Variants in XKR9 observed in about 807,000 individuals in gnomAD.
XKR9 encodes XK-related protein 9.
A neutral mutation model predicts 32.0 loss-of-function variants in XKR9; 32 were observed. The ratio of observed to expected loss-of-function variants is 1.00; its 90% CI spans 0.76 to 1.34. The LOEUF (loss-of-function observed/expected upper bound fraction) is 1.34. XKR9 is among the 40% of genes most tolerant of loss of function. The pLI is 0.00. For missense variants in XKR9, 546 were observed against 429.7 expected (o/e 1.27, Z -2.39); for synonymous variants, 168 against 143.4 (o/e 1.17, Z -1.22).
Position 70,707,161 on chromosome 8 carries a change from T to A in XKR9, c.493+8T>A. On this transcript the variant is annotated splice_region_variant and intron_variant, in intron 4 of 4. Coordinates refer to ENST00000408926, the MANE Select transcript of XKR9 (RefSeq NM_001011720.2). ...AAGCGAATTTCAGTCAGTGTAAGTT[T>A]TTCTTAACTCCTTGTGTTAAATGGA... The A allele has an allele frequency of 6.2e-7, 1 of 1,608,942 alleles. No homozygotes were observed. Among genetic ancestry groups the A allele is most frequent in the Non-Finnish European group, 8.5e-7 (1 of 1,176,204 alleles).
chr8:71,049,704 A>G, the XKR9 span, among the ~76,000 whole-genome samples: 1 of 152,190 alleles, frequency 6.6e-6, no homozygotes, highest in Non-Finnish European at 1.5e-5. Context: ...GTCCACACAC[A>G]CTGAGAGGGG....
At chr8:70,968,929 G>A in the XKR9 span, among the ~76,000 whole-genome samples, 17 of 152,266 alleles carry the variant, frequency 1.1e-4, no homozygotes, top group African/African-American at 4.1e-4. Flanking sequence ...GAATGGGATC[G>A]GGGACCCACT....
At chr8:71,004,890 G>T in the XKR9 span, among the ~76,000 whole-genome samples, 1 of 151,768 alleles carries the variant, frequency 6.6e-6, no homozygotes, top group Non-Finnish European at 1.5e-5. Flanking sequence ...GGACTGCAGT[G>T]GTGATGTGAT....
the XKR9 span, among the ~76,000 whole-genome samples, chr8:70,824,574 T>A: frequency 1.3e-5 from 2 of 152,106 alleles, no homozygotes; most frequent in Non-Finnish European, 2.9e-5. Flanking sequence ...TGGATAATCT[T>A]GCATTAAGAA....
At chr8:70,798,902 G>T in the XKR9 span, among the ~76,000 whole-genome samples, 1 of 152,076 alleles carries the variant, frequency 6.6e-6, no homozygotes, top group Admixed American at 6.5e-5. Context: ...TGTTCCACTG[G>T]TCTATGTGTC....
the XKR9 span, among the ~76,000 whole-genome samples, chr8:71,036,605 G>C: frequency 1.9e-4 from 29 of 152,192 alleles, no homozygotes; most frequent in East Asian, 5.0e-3. Context: ...TGTAAAATTA[G>C]GGTAATACTT....
chr8:70,734,620 G>C lies in XKR9; in HGVS notation c.*196G>C, dbSNP rs1039403902. The C allele has an allele frequency of 3.2e-6, 2 of 618,518 alleles. No homozygotes were observed. Among genetic ancestry groups the C allele is most frequent in the Non-Finnish European group, 4.5e-6 (2 of 445,358 alleles). 38.3% of individuals were successfully genotyped at this position (618,518 alleles called of 1,614,324 possible). A position where few individuals can be genotyped will look rare whatever the true frequency, so the allele number is the denominator to read the frequency against. ...TGGTTTTGAAGATCTTGAGTACTCA[G>C]ATATCTTTCTACTGCCTGGTAGAGC... On this transcript the variant is annotated 3_prime_UTR_variant, in exon 5 of 5. Transcript: ENST00000408926.
At chr8:70,928,784 A>G in the XKR9 span, among the ~76,000 whole-genome samples, 1 of 152,166 alleles carries the variant, frequency 6.6e-6, no homozygotes, top group Non-Finnish European at 1.5e-5. Context: ...GCACAGACAT[A>G]GGATTGCTAG....
the XKR9 span, among the ~76,000 whole-genome samples, chr8:70,929,766 C>T: frequency 6.6e-6 from 1 of 152,192 alleles, no homozygotes; most frequent in African/African-American, 2.4e-5. Flanking sequence ...ATGACATCCT[C>T]TTCTACTGTC....
chr8:70,913,787 C>A, the XKR9 span, among the ~76,000 whole-genome samples: 2 of 152,112 alleles, frequency 1.3e-5, no homozygotes, highest in African/African-American at 4.8e-5. Context: ...AAGGTAGCTA[C>A]CTTAGTTTAC....
chr8:71,038,444 C>T, the XKR9 span, among the ~76,000 whole-genome samples: 6 of 151,022 alleles, frequency 4.0e-5, no homozygotes, highest in Non-Finnish European at 5.9e-5. Flanking sequence ...CCTCAGCCTC[C>T]TGAGTAGCTG....
chr8:70,972,543 A>G, the XKR9 span, among the ~76,000 whole-genome samples: 5 of 152,012 alleles, frequency 3.3e-5, no homozygotes, highest in African/African-American at 1.2e-4. Flanking sequence ...GTTTTGTTCC[A>G]GTTTTTAGGG....
intron 3 of XKR9, among the ~76,000 whole-genome samples, chr8:70,695,009 A>C (rs1805210426): frequency 6.6e-6 from 1 of 152,106 alleles, no homozygotes; most frequent in South Asian, 2.1e-4. Flanking sequence ...AGGGTTGCAA[A>C]GAGCTGTGGG....
the XKR9 span, among the ~76,000 whole-genome samples, chr8:70,920,234 A>G: frequency 3.9e-5 from 6 of 152,196 alleles, no homozygotes; most frequent in African/African-American, 1.4e-4. Context: ...TTTTAAATCA[A>G]TGAAATTATG....
the XKR9 span, among the ~76,000 whole-genome samples, chr8:70,968,951 C>G: frequency 2.0e-5 from 3 of 152,172 alleles, no homozygotes; most frequent in Non-Finnish European, 2.9e-5. Flanking sequence ...AAAGAAGCAG[C>G]CTGACTGCCC....
At chr8:71,038,220 GATTT>G in the XKR9 span, among the ~76,000 whole-genome samples, 1 of 151,448 alleles carries the variant, frequency 6.6e-6, no homozygotes, top group East Asian at 2.0e-4. Flanking sequence ...CAATTCAGTT[GATTT>G]ATTTCTTTCT....
intron 2 of XKR9, among the ~76,000 whole-genome samples, chr8:70,767,834 G>A (rs1168059116): frequency 6.6e-6 from 1 of 151,906 alleles, no homozygotes; most frequent in Non-Finnish European, 1.5e-5. Flanking sequence ...TATTAGTCAG[G>A]CTAGTGGCCT....
chr8:70,745,105 CAT>C, intron 2 of XKR9, among the ~76,000 whole-genome samples: 1 of 149,980 alleles, frequency 6.7e-6, no homozygotes, highest in Non-Finnish European at 1.5e-5. Flanking sequence ...CCCACACAAA[CAT>C]AGATTAAGTA....
At chr8:71,014,053 T>C in the XKR9 span, among the ~76,000 whole-genome samples, 1 of 152,018 alleles carries the variant, frequency 6.6e-6, no homozygotes, top group Non-Finnish European at 1.5e-5. Flanking sequence ...TGTCGCAAAT[T>C]TGGGTTATGG....
Sources: gnomAD v4.1 joint callset for allele counts (sites outside exome capture counted in the v4.1 genomes callset) on GRCh38, gnomAD v4.1.1 for gene constraint, MANE v1.5 for transcripts, NCBI Gene and HGNC (gene_info 2026-07-23, HGNC 2026-07-21) for gene names.